The following CACNA2D1 variants were observed in gnomAD, a reference collection of about 807,000 sequenced individuals.
CACNA2D1 encodes calcium voltage-gated channel auxiliary subunit alpha2delta 1, also known as voltage-dependent calcium channel subunit alpha-2/delta-1.
In CACNA2D1, 53 loss-of-function variants were observed where a neutral mutation model predicts 171.5. That is an observed-to-expected ratio of 0.31 (90% confidence interval 0.25 to 0.39). The LOEUF is 0.39. CACNA2D1 is among the 10% of genes least tolerant of loss of function. CACNA2D1 has a pLI of 1.00. For synonymous variants in CACNA2D1, 442 were observed against 443.1 expected (o/e 1.00, Z 0.03); for missense variants, 903 against 1,299.8 (o/e 0.69, Z 4.69).
At chr7:82,326,522 A>C (rs537533428) in intron 3 of CACNA2D1, among the ~76,000 whole-genome samples, 4 of 152,200 alleles carry the variant, frequency 2.6e-5, no homozygotes, top group Non-Finnish European at 5.9e-5. Flanking sequence ...TAGTGTTAGA[A>C]ATATATGGAA....
At chr7:82,413,906 A>G (rs1481633599) in intron 1 of CACNA2D1, among the ~76,000 whole-genome samples, 1 of 152,192 alleles carries the variant, frequency 6.6e-6, no homozygotes, top group Non-Finnish European at 1.5e-5. Context: ...TATTTTATTA[A>G]TGATATACTA....
At chr7:81,987,564 AAG>A (rs1797099217) in intron 21 of CACNA2D1, among the ~76,000 whole-genome samples, 1 of 152,216 alleles carries the variant, frequency 6.6e-6, no homozygotes, top group African/African-American at 2.4e-5. Context: ...AAGACTTAAG[AAG>A]AGAGAAATCA....
At chr7:82,349,910 G>A (rs529071909) in intron 1 of CACNA2D1, among the ~76,000 whole-genome samples, 4 of 152,156 alleles carry the variant, frequency 2.6e-5, no homozygotes, top group Non-Finnish European at 4.4e-5. Flanking sequence ...TCCAAGGAGA[G>A]TAAACAATTT....
Position 81,948,545 on chromosome 7 carries a change from A to AAAAAC in CACNA2D1, c.*1842_*1846dup, listed in dbSNP as rs1313567615. On this transcript the variant is annotated 3_prime_UTR_variant, in exon 39 of 39. Coordinates refer to ENST00000356860, the MANE Select transcript of CACNA2D1 (RefSeq NM_000722.4). ...GGGAATTACAAATGTATGCAAAGCT[A>AAAAAC]AAAACAAAACAAATGTTATCTTTTA... The AAAAAC allele has an allele frequency of 6.6e-6, 1 of 151,884 alleles. No individual in the cohort carries two copies. Among genetic ancestry groups the AAAAAC allele is most frequent in the African/African-American group, 2.4e-5 (1 of 41,416 alleles). 9.4% of individuals were successfully genotyped at this position (151,884 alleles called of 1,614,324 possible).
chr7:82,380,820 G>A (rs1375564272), intron 1 of CACNA2D1, among the ~76,000 whole-genome samples: 1 of 151,748 alleles, frequency 6.6e-6, no homozygotes, highest in Non-Finnish European at 1.5e-5. Flanking sequence ...TCAGCCTACC[G>A]AGTAGCTGGG....
At chr7:82,406,051 T>A (rs1293683417) in intron 1 of CACNA2D1, among the ~76,000 whole-genome samples, 1 of 151,214 alleles carries the variant, frequency 6.6e-6, no homozygotes, top group Non-Finnish European at 1.5e-5. Flanking sequence ...CCCCCAACCC[T>A]ACGACAGGCC....
At chr7:82,234,840 T>C (rs1803360510) in intron 3 of CACNA2D1, among the ~76,000 whole-genome samples, 2 of 152,216 alleles carry the variant, frequency 1.3e-5, no homozygotes, top group South Asian at 2.1e-4. Flanking sequence ...CAAGATACTT[T>C]TCCCTACTTC....
intron 6 of CACNA2D1, among the ~76,000 whole-genome samples, chr7:82,088,083 TTTTTG>T (rs1335636819): frequency 3.3e-5 from 5 of 152,140 alleles, no homozygotes; most frequent in Admixed American, 2.0e-4. Context: ...TAGGAAGTTT[TTTTTG>T]TTTTGTTTTG....
rs184480493 is a variant in CACNA2D1, at chr7:82,149,870, T to C, written c.355-13194A>G. Among the ~76,000 whole-genome samples the C allele has an allele frequency of 4.4e-3, 669 of 151,210 alleles. 12 individuals are homozygous for C. The highest frequency in any genetic ancestry group is 0.04 in the Admixed American group (603 of 15,224). On this transcript the variant is annotated intron_variant, in intron 4 of 38. Coordinates refer to ENST00000356860, the MANE Select transcript of CACNA2D1 (RefSeq NM_000722.4). ...TACTCAGGAAGCTGAGGCAGGAGAA[T>C]GGCGTGAACCCGGGAGGCGGAGCTT...
chr7:82,028,923 G>A (rs1299006268), intron 12 of CACNA2D1: 1 of 151,886 alleles, frequency 6.6e-6, no homozygotes, highest in Non-Finnish European at 1.5e-5. Context: ...TGACCCAAAG[G>A]ATATAGAATA....
chr7:82,237,276 A>T (rs963350145), intron 3 of CACNA2D1, among the ~76,000 whole-genome samples: 1 of 151,920 alleles, frequency 6.6e-6, no homozygotes, highest in African/African-American at 2.4e-5. Flanking sequence ...GACATTTTCA[A>T]TTTGAATAAA....
intron 4 of CACNA2D1, among the ~76,000 whole-genome samples, chr7:82,145,341 TA>T (rs1351857449): frequency 3.5e-5 from 5 of 144,894 alleles, no homozygotes; most frequent in Non-Finnish European, 7.6e-5. Context: ...GTATATAATA[TA>T]TAATTTATAT....
chr7:82,328,757 T>C (rs1412033461), intron 3 of CACNA2D1, among the ~76,000 whole-genome samples: 2 of 152,204 alleles, frequency 1.3e-5, no homozygotes, highest in Admixed American at 6.6e-5. Context: ...TTTCCTTCAC[T>C]GTCCTACCAA....
At chr7:82,157,895 A>T (rs1303768763) in intron 4 of CACNA2D1, among the ~76,000 whole-genome samples, 4 of 152,014 alleles carry the variant, frequency 2.6e-5, no homozygotes, top group Non-Finnish European at 4.4e-5. Flanking sequence ...GTTGAGTTCT[A>T]AGGTAACAAA....
rs1055558094 is a variant in CACNA2D1 at position 82,436,401 on chromosome 7, T to C, written c.95+6964A>G. Among the ~76,000 whole-genome samples the C allele has an allele frequency of 3.3e-5, 5 of 152,224 alleles. No homozygotes were observed. In the South Asian group the frequency reaches 6.2e-4, roughly 19 times the overall value. On this transcript the variant is annotated intron_variant, in intron 1 of 38. Coordinates refer to ENST00000356860, the MANE Select transcript of CACNA2D1 (RefSeq NM_000722.4). ...CACTTAAGCTCTTAATTAAATGTTA[T>C]ACTAGTGTTTCTTATCCAATAAACC...
chr7:82,189,989 T>G (rs570108259), intron 3 of CACNA2D1, among the ~76,000 whole-genome samples: 23 of 152,082 alleles, frequency 1.5e-4, no homozygotes, highest in Admixed American at 1.3e-3. Context: ...ATAAGTGATT[T>G]AGAATTAGTT....
chr7:82,140,933 C>T (rs1400331520), intron 4 of CACNA2D1, among the ~76,000 whole-genome samples: 6 of 124,432 alleles, frequency 4.8e-5, no homozygotes, highest in East Asian at 2.2e-4. Context: ...CCAGCCTAGG[C>T]GACAGAGCAA....
chr7:82,221,705 C>T lies in CACNA2D1; in HGVS notation c.295-51096G>A, dbSNP rs146145481. ...GTTGCAGTGAGCCAAGATCCCACTA[C>T]TGCACTCCAGCCTGGGCAACAGAGT... On this transcript the variant is annotated intron_variant, in intron 3 of 38. Transcript: ENST00000356860. 9.5e-4 allele frequency among the ~76,000 whole-genome samples: 144 copies of T among 151,118 alleles called. 3 individuals carry two copies. The East Asian group carries it at 0.026, about 27-fold the overall frequency.
chr7:82,156,827 C>G (rs1474949815), intron 4 of CACNA2D1, among the ~76,000 whole-genome samples: 1 of 152,040 alleles, frequency 6.6e-6, no homozygotes, highest in Non-Finnish European at 1.5e-5. Context: ...CATTATTAAT[C>G]TGTCATGAAA....
Sources: gnomAD v4.1 joint callset for allele counts (sites outside exome capture counted in the v4.1 genomes callset) on GRCh38, gnomAD v4.1.1 for gene constraint, MANE v1.5 for transcripts, NCBI Gene and HGNC (gene_info 2026-07-23, HGNC 2026-07-21) for gene names.